Variants in AKAP19 observed in about 807,000 individuals in gnomAD.
The protein encoded by AKAP19 is A-kinase anchoring protein 19.
the AKAP19 span, among the ~76,000 whole-genome samples, chr2:190,098,159 C>A: frequency 2.6e-5 from 4 of 152,278 alleles, no homozygotes; most frequent in South Asian, 2.1e-4. Context: ...CTTTCTACAA[C>A]ATTTTCAGTT....
the AKAP19 span, among the ~76,000 whole-genome samples, chr2:190,068,030 C>G: frequency 2.9e-4 from 44 of 152,102 alleles, no homozygotes; most frequent in Middle Eastern, 3.4e-3. Context: ...GGTGAAACAC[C>G]ATTTCTGCTA....
the AKAP19 span, among the ~76,000 whole-genome samples, chr2:190,115,381 G>A: frequency 2.9e-5 from 3 of 102,470 alleles, no homozygotes; most frequent in African/African-American, 7.8e-5. Flanking sequence ...GTGCAGTGGC[G>A]CAATCTCGGC....
chr2:189,949,751 C>A, the AKAP19 span, among the ~76,000 whole-genome samples: 1 of 150,718 alleles, frequency 6.6e-6, no homozygotes, highest in Non-Finnish European at 1.5e-5. Flanking sequence ...CCTGCCTCAG[C>A]CTCACGAGTA....
the AKAP19 span, among the ~76,000 whole-genome samples, chr2:190,113,247 T>C: frequency 6.6e-6 from 1 of 152,168 alleles, no homozygotes; most frequent in Non-Finnish European, 1.5e-5. Context: ...CCTCATGATA[T>C]TCTCCTTAAT....
At chr2:190,048,329 C>T in the AKAP19 span, among the ~76,000 whole-genome samples, 2 of 152,170 alleles carry the variant, frequency 1.3e-5, no homozygotes, top group Non-Finnish European at 2.9e-5. Flanking sequence ...ATAATTATCT[C>T]TTGAAGCCAT....
the AKAP19 span, among the ~76,000 whole-genome samples, chr2:189,895,229 C>T: frequency 6.6e-6 from 1 of 152,004 alleles, no homozygotes. Context: ...GGAAGATCAC[C>T]ACGAAACTTC....
chr2:190,180,898 G>A, the AKAP19 span: 1 of 985,268 alleles, frequency 1.0e-6, no homozygotes, highest in Middle Eastern at 5.2e-4. This position sits in a 1 kb window ranked among gnomAD's most constrained non-coding sequence, Gnocchi z 6.8. Flanking sequence ...GCGCCGGCGA[G>A]AAGGCGGCGC....
At chr2:190,052,450 A>G in the AKAP19 span, among the ~76,000 whole-genome samples, 1 of 152,122 alleles carries the variant, frequency 6.6e-6, no homozygotes, top group Non-Finnish European at 1.5e-5. Flanking sequence ...TCAGGATCTC[A>G]TGAAATCATG....
chr2:190,135,826 A>G, the AKAP19 span, among the ~76,000 whole-genome samples: 2 of 152,240 alleles, frequency 1.3e-5, no homozygotes, highest in African/African-American at 4.8e-5. Flanking sequence ...AAGATTCTTG[A>G]TTGACTAGCA....
chr2:189,903,978 G>C, the AKAP19 span, among the ~76,000 whole-genome samples: 1 of 151,958 alleles, frequency 6.6e-6, no homozygotes, highest in Non-Finnish European at 1.5e-5. Context: ...TGTATAACTT[G>C]TAGAAAGTAA....
chr2:189,947,172 T>C, the AKAP19 span, among the ~76,000 whole-genome samples: 1 of 152,236 alleles, frequency 6.6e-6, no homozygotes, highest in East Asian at 1.9e-4. Context: ...AACAGTGCAC[T>C]ATTAGACCCA....
At chr2:189,973,043 G>A in the AKAP19 span, among the ~76,000 whole-genome samples, 2 of 152,136 alleles carry the variant, frequency 1.3e-5, no homozygotes, top group East Asian at 3.8e-4. Flanking sequence ...GTGAGAGAGG[G>A]CATCCCTGTC....
chr2:190,032,915 T>C, the AKAP19 span, among the ~76,000 whole-genome samples: 8,354 of 150,946 alleles, frequency 0.055, 326 homozygotes, highest in Non-Finnish European at 0.076. Flanking sequence ...ATATTACTGA[T>C]TTTTTTCAAT....
the AKAP19 span, among the ~76,000 whole-genome samples, chr2:190,047,543 T>G: frequency 6.6e-6 from 1 of 152,214 alleles, no homozygotes; most frequent in East Asian, 1.9e-4. Flanking sequence ...CTGCTCTCAT[T>G]AGACTGTGTT....
the AKAP19 span, among the ~76,000 whole-genome samples, chr2:190,043,302 C>T: frequency 6.6e-6 from 1 of 152,160 alleles, no homozygotes; most frequent in Non-Finnish European, 1.5e-5. Flanking sequence ...AAGTTGTTTG[C>T]TTTCTCCCCC....
At chr2:190,039,442 G>C in the AKAP19 span, among the ~76,000 whole-genome samples, 5 of 152,096 alleles carry the variant, frequency 3.3e-5, no homozygotes, top group Non-Finnish European at 5.9e-5. Context: ...CCCCAGTAGT[G>C]GAAAACTGTA....
chr2:189,903,159 C>G, the AKAP19 span, among the ~76,000 whole-genome samples: 1 of 151,678 alleles, frequency 6.6e-6, no homozygotes, highest in African/African-American at 2.4e-5. Context: ...CCTTATATAA[C>G]TACACATTTT....
chr2:190,040,781 C>G, the AKAP19 span, among the ~76,000 whole-genome samples: 1 of 152,174 alleles, frequency 6.6e-6, no homozygotes, highest in Admixed American at 6.5e-5. Context: ...AATAGAGAGT[C>G]TTTTCCCCAT....
At chr2:190,127,841 G>A in the AKAP19 span, among the ~76,000 whole-genome samples, 41 of 152,128 alleles carry the variant, frequency 2.7e-4, 1 homozygote, top group African/African-American at 9.7e-4. Flanking sequence ...ACACAGTGCT[G>A]ATGGTACCTG....
Sources: allele counts gnomAD v4.1 joint callset (sites outside exome capture counted in the v4.1 genomes callset), GRCh38; gene constraint gnomAD v4.1.1; non-coding constraint Gnocchi (gnomAD v3.1); transcripts MANE v1.5; gene names NCBI Gene and HGNC (gene_info 2026-07-23, HGNC 2026-07-21).